RAD51B: variants seen among roughly 807,000 people sequenced by gnomAD.
RAD51B encodes RAD51 paralog B.
RAD51B carries 38 observed loss-of-function variants against 42.2 expected under a neutral mutation model. The ratio of observed to expected loss-of-function variants is 0.90; its 90% CI spans 0.70 to 1.18. RAD51B has a LOEUF of 1.18. Ranked by LOEUF, RAD51B falls within the 50% of genes most tolerant of loss-of-function variation. The pLI is 0.00. For missense variants in RAD51B, 373 were observed against 400.7 expected (o/e 0.93, Z 0.59); for synonymous variants, 154 against 145.2 (o/e 1.06, Z -0.43).
chr14:68,151,925 C>A (rs2078396589), intron 7 of RAD51B, among the ~76,000 whole-genome samples: 1 of 134,922 alleles, frequency 7.4e-6, no homozygotes, highest in Non-Finnish European at 1.5e-5. Flanking sequence ...CTCACCACAA[C>A]CTCCGCCTCC....
At chr14:68,414,887 C>T (rs1369245157) in intron 9 of RAD51B, among the ~76,000 whole-genome samples, 1 of 145,860 alleles carries the variant, frequency 6.9e-6, no homozygotes, top group Non-Finnish European at 1.5e-5. Flanking sequence ...AAAAAAATAG[C>T]CAGGCGTGGT....
chr14:68,558,606 T>A (rs959752901), intron 10 of RAD51B, among the ~76,000 whole-genome samples: 2 of 152,162 alleles, frequency 1.3e-5, no homozygotes, highest in Non-Finnish European at 2.9e-5. Flanking sequence ...GCTGTCATCT[T>A]CACGTGGCCC....
chr14:68,260,071 T>TG (rs35216445), intron 7 of RAD51B, among the ~76,000 whole-genome samples: 1,693 of 151,814 alleles, frequency 0.011, 31 homozygotes, highest in African/African-American at 0.038. Context: ...AAAGTGATAA[T>TG]GGGGGGGTGT....
At chr14:68,353,227 A>G (rs1449081507) in intron 8 of RAD51B, among the ~76,000 whole-genome samples, 1 of 152,158 alleles carries the variant, frequency 6.6e-6, no homozygotes, top group African/African-American at 2.4e-5. Context: ...CAATAGTACC[A>G]CCTTTAAAAA....
chr14:68,363,647 T>G (rs1369035673), intron 8 of RAD51B, among the ~76,000 whole-genome samples: 1 of 152,200 alleles, frequency 6.6e-6, no homozygotes, highest in African/African-American at 2.4e-5. Context: ...CATAGCTCTG[T>G]GGCTCAAGGA....
At chr14:67,958,126 T>A (rs541455660) in intron 7 of RAD51B, among the ~76,000 whole-genome samples, 17 of 152,342 alleles carry the variant, frequency 1.1e-4, no homozygotes, top group Admixed American at 9.8e-4. Flanking sequence ...TCTGTTTATA[T>A]GTCTGTGTCA....
intron 7 of RAD51B, among the ~76,000 whole-genome samples, chr14:68,022,521 G>C (rs750702478): frequency 6.6e-6 from 1 of 151,982 alleles, no homozygotes; most frequent in Non-Finnish European, 1.5e-5. Context: ...GTTGTTTTTT[G>C]ACTTTTAGTA....
intron 7 of RAD51B, among the ~76,000 whole-genome samples, chr14:67,905,012 T>C (rs2043738295): frequency 6.6e-6 from 1 of 151,760 alleles, no homozygotes; most frequent in African/African-American, 2.4e-5. Context: ...TAGTGTTTCC[T>C]AGGTTTTCTT....
downstream of RAD51B, among the ~76,000 whole-genome samples, chr14:68,616,019 G>A (rs1891818261): frequency 6.6e-6 from 1 of 151,970 alleles, no homozygotes; most frequent in Non-Finnish European, 1.5e-5. Context: ...TTTGAAGTGA[G>A]GGTTCTTTTT....
intron 7 of RAD51B, among the ~76,000 whole-genome samples, chr14:68,195,143 T>C (rs1355066471): frequency 6.6e-6 from 1 of 152,212 alleles, no homozygotes; most frequent in Non-Finnish European, 1.5e-5. Flanking sequence ...ATAATTAGAA[T>C]AGATTTTATT....
chr14:67,852,077 C>T (rs2041830012), intron 4 of RAD51B, among the ~76,000 whole-genome samples: 1 of 151,978 alleles, frequency 6.6e-6, no homozygotes, highest in South Asian at 2.1e-4. Context: ...GCAGCAGGAG[C>T]AAGGACCTGA....
At chr14:68,581,197 G>A (rs1890193979) in intron 10 of RAD51B, among the ~76,000 whole-genome samples, 2 of 152,156 alleles carry the variant, frequency 1.3e-5, no homozygotes. Context: ...TTATGATGGT[G>A]CAAAAGTGAT....
At chr14:68,220,538 C>T (rs950402482) in intron 7 of RAD51B, among the ~76,000 whole-genome samples, 13 of 152,182 alleles carry the variant, frequency 8.5e-5, no homozygotes, top group African/African-American at 2.9e-4. Flanking sequence ...TGAAAGCATC[C>T]CTCATGAGAA....
At chr14:67,961,703 A>G (rs1261336324) in intron 7 of RAD51B, among the ~76,000 whole-genome samples, 3 of 152,120 alleles carry the variant, frequency 2.0e-5, no homozygotes, top group African/African-American at 4.8e-5. Context: ...AAATCATTTC[A>G]TCTCTTCTTT....
intron 7 of RAD51B, among the ~76,000 whole-genome samples, chr14:68,273,843 T>C (rs1477969018): frequency 1.3e-5 from 2 of 152,184 alleles, no homozygotes; most frequent in Non-Finnish European, 2.9e-5. Context: ...TGAGCCTCCA[T>C]GCCAGGCTAT....
At chr14:67,992,277 G>T (rs546584700) in intron 7 of RAD51B, among the ~76,000 whole-genome samples, 1 of 152,268 alleles carries the variant, frequency 6.6e-6, no homozygotes, top group South Asian at 2.1e-4. Context: ...CCTTTGGAAG[G>T]AAGGTTAGAA....
chr14:68,068,076 A>G (rs1378766890), intron 7 of RAD51B, among the ~76,000 whole-genome samples: 1 of 152,186 alleles, frequency 6.6e-6, no homozygotes, highest in Non-Finnish European at 1.5e-5. Flanking sequence ...TGAGCAGAGA[A>G]ACAAAGGTGA....
chr14:68,349,860 C>T (rs1014396195), intron 8 of RAD51B, among the ~76,000 whole-genome samples: 6 of 152,168 alleles, frequency 3.9e-5, no homozygotes, highest in Non-Finnish European at 1.5e-5. Context: ...CATACTTATG[C>T]ATGGAAAGGC....
In RAD51B at chr14:68,485,132, G is replaced by T. The variant is rs1329692968; in HGVS notation, c.1036+16882G>T. On this transcript the variant is annotated intron_variant, in intron 10 of 10. Transcript: ENST00000487270. ...AAGGCCAGCTTTTCCTAGAGGGGCT[G>T]TGAGAGGGCAAGACAGTGATGAACT... 2.0e-5 allele frequency among the ~76,000 whole-genome samples: 3 copies of T among 152,342 alleles called. No individual in the cohort carries two copies. The East Asian group carries it at 5.8e-4, about 29-fold the overall frequency.
Sources: gnomAD v4.1 joint callset for allele counts (sites outside exome capture counted in the v4.1 genomes callset) on GRCh38, gnomAD v4.1.1 for gene constraint, MANE v1.5 for transcripts, NCBI Gene and HGNC (gene_info 2026-07-23, HGNC 2026-07-21) for gene names.